B3GALT1: variants seen among roughly 807,000 people sequenced by gnomAD.
B3GALT1 encodes the protein beta-1,3-galactosyltransferase 1, also known as UDP-Gal:betaGlcNAc beta 1,3-galactosyltransferase, polypeptide 1.
B3GALT1 carries 10 observed loss-of-function variants against 23.2 expected under a neutral mutation model. The ratio of observed to expected loss-of-function variants is 0.43; its 90% confidence interval spans 0.27 to 0.73. B3GALT1 has a LOEUF of 0.73. Ranked by LOEUF, B3GALT1 falls within the 30% of genes least tolerant of loss-of-function variation. B3GALT1 has a pLI of 0.21. For missense variants in B3GALT1, 299 were observed against 405.4 expected (o/e 0.74, Z 2.25); for synonymous variants, 156 against 141.5 (o/e 1.10, Z -0.73).
intron 2 of B3GALT1, among the ~76,000 whole-genome samples, chr2:167,544,202 T>C (rs1435618716): frequency 6.6e-6 from 1 of 152,228 alleles, no homozygotes; most frequent in Non-Finnish European, 1.5e-5. Flanking sequence ...AGAATTGTCA[T>C]GATTGACTTT....
chr2:167,635,387 A>G (rs1685532430), intron 2 of B3GALT1, among the ~76,000 whole-genome samples: 1 of 151,960 alleles, frequency 6.6e-6, no homozygotes, highest in African/African-American at 2.4e-5. Context: ...GCGTATTCAA[A>G]TAGAAAGAAA....
intron 2 of B3GALT1, among the ~76,000 whole-genome samples, chr2:167,510,801 G>A (rs1026332270): frequency 2.6e-5 from 4 of 152,078 alleles, no homozygotes; most frequent in Admixed American, 2.0e-4. Context: ...AAAGCATTCA[G>A]GTGGAAATGT....
intron 3 of B3GALT1, chr2:167,715,328 A>G (rs1377538223): frequency 2.5e-6 from 4 of 1,613,914 alleles, no homozygotes; most frequent in Non-Finnish European, 3.4e-6. Context: ...GGAGTCTTCA[A>G]ATGTTATTTT....
At chr2:167,564,314 G>A (rs1252301236) in intron 2 of B3GALT1, among the ~76,000 whole-genome samples, 2 of 151,374 alleles carry the variant, frequency 1.3e-5, no homozygotes, top group Admixed American at 6.6e-5. Context: ...TGGCGGCCGG[G>A]AAGAGGCGCT....
At chr2:167,376,386 T>C (rs752595044) in intron 1 of B3GALT1, among the ~76,000 whole-genome samples, 2 of 152,146 alleles carry the variant, frequency 1.3e-5, no homozygotes, top group Non-Finnish European at 2.9e-5. Context: ...GAGTCCCTTC[T>C]CAATGTTTTG....
intron 3 of B3GALT1, chr2:167,715,988 T>C: frequency 6.2e-7 from 1 of 1,612,098 alleles, no homozygotes; most frequent in Non-Finnish European, 8.5e-7. Flanking sequence ...TACTCTCAGG[T>C]AGTGCTGCCA....
At chr2:167,606,704 T>C (rs919050285) in intron 2 of B3GALT1, among the ~76,000 whole-genome samples, 5 of 152,156 alleles carry the variant, frequency 3.3e-5, no homozygotes, top group Non-Finnish European at 7.4e-5. Flanking sequence ...GAAGAAAAGA[T>C]TGGGGCAAAC....
chr2:167,831,041 A>G (rs929513433), intron 4 of B3GALT1, among the ~76,000 whole-genome samples: 1 of 152,238 alleles, frequency 6.6e-6, no homozygotes, highest in African/African-American at 2.4e-5. Context: ...CAAGTTCTCT[A>G]CAAAATCTAG....
intron 2 of B3GALT1, among the ~76,000 whole-genome samples, chr2:167,534,954 A>T (rs184766189): frequency 9.2e-5 from 14 of 152,284 alleles, no homozygotes; most frequent in Non-Finnish European, 1.6e-4. Context: ...CCTCATTTTA[A>T]AAAAGAAGAA....
At chr2:167,694,259 G>A (rs1686757844) in intron 3 of B3GALT1, among the ~76,000 whole-genome samples, 1 of 152,108 alleles carries the variant, frequency 6.6e-6, no homozygotes, top group Non-Finnish European at 1.5e-5. Context: ...GCCAAAGACT[G>A]AATAAGTAGG....
At chr2:167,785,480 A>G (rs1393493770) in intron 3 of B3GALT1, among the ~76,000 whole-genome samples, 4 of 152,208 alleles carry the variant, frequency 2.6e-5, no homozygotes, top group Non-Finnish European at 5.9e-5. Flanking sequence ...TAAGTTTTCT[A>G]GAAAGGATCC....
chr2:167,775,478 A>G (rs1688146237), intron 3 of B3GALT1, among the ~76,000 whole-genome samples: 1 of 151,676 alleles, frequency 6.6e-6, no homozygotes, highest in South Asian at 2.1e-4. Flanking sequence ...CTGAGGCAGG[A>G]GAATCGCTTG....
intron 2 of B3GALT1, among the ~76,000 whole-genome samples, chr2:167,619,072 T>C (rs1401297786): frequency 6.6e-6 from 1 of 152,028 alleles, no homozygotes; most frequent in East Asian, 1.9e-4. Flanking sequence ...TGTCAATGAT[T>C]TTCTAATTCC....
chr2:167,358,644 A>C (rs553753045), intron 1 of B3GALT1, among the ~76,000 whole-genome samples: 1 of 141,740 alleles, frequency 7.1e-6, no homozygotes, highest in South Asian at 2.3e-4. Flanking sequence ...TCCTTTATTT[A>C]AGTGTGATAT....
intron 2 of B3GALT1, among the ~76,000 whole-genome samples, chr2:167,612,453 A>G (rs74706667): frequency 0.014 from 2,150 of 151,454 alleles, 61 homozygotes; most frequent in African/African-American, 0.049. Flanking sequence ...GTGTATCAGC[A>G]TAGAATTCCA....
chr2:167,437,658 C>CA (rs1164670619), intron 1 of B3GALT1, among the ~76,000 whole-genome samples: 1 of 152,174 alleles, frequency 6.6e-6, no homozygotes, highest in Non-Finnish European at 1.5e-5. Flanking sequence ...CTCATCTGTT[C>CA]AAACAGCTTA....
chr2:167,428,784 C>T (rs1414727095), intron 1 of B3GALT1, among the ~76,000 whole-genome samples: 3 of 152,066 alleles, frequency 2.0e-5, no homozygotes, highest in Admixed American at 6.5e-5. Flanking sequence ...CATGGCTGCT[C>T]CTTAGAGTAT....
chr2:167,363,492 G>C (rs897184718), intron 1 of B3GALT1, among the ~76,000 whole-genome samples: 8 of 151,876 alleles, frequency 5.3e-5, no homozygotes, highest in Non-Finnish European at 1.0e-4. Flanking sequence ...ACTTCACCTG[G>C]TAAATCGTCC....
chr2:167,385,889 T>C lies in B3GALT1; in HGVS notation c.-511+92555T>C, dbSNP rs141106702. On this transcript the variant is annotated intron_variant, in intron 1 of 4. Coordinates refer to ENST00000392690, the MANE Select transcript of B3GALT1 (RefSeq NM_020981.4). ...GGTTCTATCAACCCATCTCCCCAAT[T>C]TTCCAGCATATAAACACAGTAATGA... 2.8e-4 allele frequency among the ~76,000 whole-genome samples: 42 copies of C among 152,302 alleles called. 1 individual carries two copies. In the East Asian group the frequency reaches 7.7e-3, roughly 28 times the overall value.
Sources: allele counts gnomAD v4.1 joint callset (sites outside exome capture counted in the v4.1 genomes callset), GRCh38; gene constraint gnomAD v4.1.1; transcripts MANE v1.5; gene names NCBI Gene and HGNC (gene_info 2026-07-23, HGNC 2026-07-21).